Variants in UBE2E2 observed in about 807,000 individuals in gnomAD.
UBE2E2 encodes the protein ubiquitin-conjugating enzyme E2 E2.
In UBE2E2, 6 loss-of-function variants were observed where a neutral mutation model predicts 24.7. The ratio of observed to expected loss-of-function variants is 0.24; its 90% CI spans 0.13 to 0.48. The LOEUF (loss-of-function observed/expected upper bound fraction) is 0.48, where lower values mean the gene tolerates loss of function less well. Ranked by LOEUF, UBE2E2 falls within the 20% of genes least tolerant of loss-of-function variation. The pLI is 0.99. For missense variants in UBE2E2, 169 were observed against 245.0 expected (o/e 0.69, Z 2.07); for synonymous variants, 104 against 83.6 (o/e 1.24, Z -1.33).
intron 3 of UBE2E2, among the ~76,000 whole-genome samples, chr3:23,456,653 C>T (rs575741830): frequency 6.6e-6 from 1 of 152,182 alleles, no homozygotes; most frequent in African/African-American, 2.4e-5. Flanking sequence ...TAGGTCTCAA[C>T]AGTGGACTTT....
chr3:23,434,026 T>A (rs912635395), intron 3 of UBE2E2, among the ~76,000 whole-genome samples: 2 of 152,044 alleles, frequency 1.3e-5, no homozygotes, highest in African/African-American at 4.8e-5. Context: ...ATATAAAAAT[T>A]TCTGGTAGTC....
At chr3:23,528,604 G>T (rs570161953) in intron 4 of UBE2E2, among the ~76,000 whole-genome samples, 2 of 152,026 alleles carry the variant, frequency 1.3e-5, no homozygotes, top group Non-Finnish European at 2.9e-5. Flanking sequence ...CCTAGTTCCC[G>T]CCCCAAGGTT....
chr3:23,404,956 C>T lies in UBE2E2; in HGVS notation c.228-94652C>T, dbSNP rs531249852. 1.2e-3 allele frequency among the ~76,000 whole-genome samples: 189 copies of T among 152,282 alleles called. 1 individual carries two copies. Among genetic ancestry groups the T allele is most frequent in the Non-Finnish European group, 1.2e-3 (80 of 68,012 alleles). ...ACTACTCTGTTCAGTTCAGCCACTT[C>T]GTTAGCATTCTGAAATTTGGCTTAT... On this transcript the variant is annotated intron_variant, in intron 3 of 5. Coordinates refer to ENST00000396703, the MANE Select transcript of UBE2E2 (RefSeq NM_152653.4).
chr3:23,274,328 G>A (rs960675279), intron 3 of UBE2E2, among the ~76,000 whole-genome samples: 4 of 149,322 alleles, frequency 2.7e-5, no homozygotes, highest in East Asian at 2.0e-4. Flanking sequence ...TTCCTTTCCC[G>A]ACCCCCTTCC....
intron 3 of UBE2E2, among the ~76,000 whole-genome samples, chr3:23,404,995 G>A (rs1697320577): frequency 1.3e-5 from 2 of 152,204 alleles, no homozygotes; most frequent in South Asian, 4.1e-4. Context: ...CTTTGACTCA[G>A]ATGCGAAGGT....
intron 3 of UBE2E2, among the ~76,000 whole-genome samples, chr3:23,294,320 T>C (rs1698849381): frequency 1.3e-5 from 2 of 152,144 alleles, no homozygotes; most frequent in South Asian, 4.1e-4. Context: ...ATATTTATTA[T>C]ATGCTTTTTC....
chr3:23,244,138 A>AC (rs1697326420), intron 3 of UBE2E2, among the ~76,000 whole-genome samples: 1 of 151,640 alleles, frequency 6.6e-6, no homozygotes, highest in African/African-American at 2.4e-5. Context: ...TCATTTGGAA[A>AC]AAAAAAAAGA....
intron 3 of UBE2E2, among the ~76,000 whole-genome samples, chr3:23,349,316 G>A (rs1482618326): frequency 2.0e-5 from 3 of 152,206 alleles, no homozygotes; most frequent in Admixed American, 2.0e-4. Flanking sequence ...GCAGAAGACG[G>A]GTGATTTCTG....
At chr3:23,437,729 T>C (rs1481211620) in intron 3 of UBE2E2, among the ~76,000 whole-genome samples, 1 of 152,202 alleles carries the variant, frequency 6.6e-6, no homozygotes, top group Non-Finnish European at 1.5e-5. Flanking sequence ...CCCTCCTCCT[T>C]TGGATTTCTA....
chr3:23,334,531 A>G (rs1695154311), intron 3 of UBE2E2, among the ~76,000 whole-genome samples: 1 of 152,212 alleles, frequency 6.6e-6, no homozygotes, highest in Non-Finnish European at 1.5e-5. Flanking sequence ...AAATTCCAAA[A>G]TAAAACATAG....
chr3:23,441,254 C>T (rs1403311169), intron 3 of UBE2E2, among the ~76,000 whole-genome samples: 2 of 151,828 alleles, frequency 1.3e-5, no homozygotes, highest in East Asian at 1.9e-4. Context: ...GGCGCAGTGG[C>T]TCACGCCTGT....
intron 3 of UBE2E2, among the ~76,000 whole-genome samples, chr3:23,338,725 T>A (rs1695284716): frequency 6.6e-6 from 1 of 152,136 alleles, no homozygotes; most frequent in Admixed American, 6.6e-5. Flanking sequence ...TTAGGGACAC[T>A]TTGAGCACTA....
In UBE2E2 at chr3:23,236,290, A is replaced by G. The variant is rs551928425; in HGVS notation, c.227+18978A>G. Among the ~76,000 whole-genome samples, 3 of 152,268 alleles carry G rather than the reference A, an allele frequency of 2.0e-5. No homozygotes were observed. The South Asian group carries it at 6.2e-4, about 32-fold the overall frequency. On this transcript the variant is annotated intron_variant, in intron 3 of 5. Coordinates refer to ENST00000396703, the MANE Select transcript of UBE2E2 (RefSeq NM_152653.4). ...GGAAAGTAATAAGTAAATAAAGACT[A>G]TTTAGTGGCATTGAGATTTCAAGAG...
At chr3:23,421,750 A>C (rs1360229288) in intron 3 of UBE2E2, among the ~76,000 whole-genome samples, 1 of 152,248 alleles carries the variant, frequency 6.6e-6, no homozygotes, top group Non-Finnish European at 1.5e-5. Context: ...AGAAAGTCAA[A>C]CACCACATGT....
intron 3 of UBE2E2, among the ~76,000 whole-genome samples, chr3:23,302,757 T>C (rs1244657667): frequency 1.3e-5 from 2 of 152,238 alleles, no homozygotes; most frequent in Non-Finnish European, 2.9e-5. Context: ...AAAGCAGCCA[T>C]AGAAAATGTT....
At chr3:23,270,054 C>T (rs1310300895) in intron 3 of UBE2E2, among the ~76,000 whole-genome samples, 1 of 151,982 alleles carries the variant, frequency 6.6e-6, no homozygotes, top group Non-Finnish European at 1.5e-5. Context: ...GTAGCTCATC[C>T]ATTTCCTGTC....
intron 3 of UBE2E2, among the ~76,000 whole-genome samples, chr3:23,275,392 T>C (rs1698354200): frequency 1.3e-5 from 2 of 152,146 alleles, no homozygotes; most frequent in Admixed American, 1.3e-4. Context: ...ATAGACCAAT[T>C]GTGCCTGGAA....
intron 3 of UBE2E2, among the ~76,000 whole-genome samples, chr3:23,437,875 T>G (rs970959640): frequency 2.0e-5 from 3 of 152,186 alleles, no homozygotes; most frequent in Non-Finnish European, 2.9e-5. Flanking sequence ...TTGATTAACA[T>G]GAGAAAAACA....
intron 3 of UBE2E2, among the ~76,000 whole-genome samples, chr3:23,438,981 T>A (rs1203964757): frequency 1.3e-5 from 2 of 152,192 alleles, no homozygotes; most frequent in African/African-American, 4.8e-5. Context: ...TTAACTATTG[T>A]TGTCTTTATT....
Sources: allele counts gnomAD v4.1 joint callset (sites outside exome capture counted in the v4.1 genomes callset), GRCh38; gene constraint gnomAD v4.1.1; transcripts MANE v1.5; gene names NCBI Gene and HGNC (gene_info 2026-07-23, HGNC 2026-07-21).